Variants in SLC22A9 observed in about 807,000 individuals in gnomAD.
SLC22A9 encodes solute carrier family 22 member 9, also known as organic anion transporter 7.
SLC22A9 carries 64 observed loss-of-function variants against 50.1 expected under a neutral mutation model. The ratio of observed to expected loss-of-function variants is 1.28; its 90% CI spans 1.04 to 1.57. The LOEUF is 1.57. Ranked by LOEUF, SLC22A9 falls within the 40% of genes most tolerant of loss-of-function variation. The probability of loss-of-function intolerance (pLI) is 0.00; values close to 1 mark genes in which losing one functional copy is unlikely to be tolerated. For missense variants in SLC22A9, 757 were observed against 676.1 expected (o/e 1.12, Z -1.33); for synonymous variants, 261 against 242.5 (o/e 1.08, Z -0.71).
chr11:63,406,444 G>A, intron 6 of SLC22A9, 53 bp from the exon 7 acceptor site: 2 of 1,503,488 alleles, frequency 1.3e-6, no homozygotes, highest in Admixed American at 1.7e-5. Flanking sequence ...CTCATTTGTA[G>A]GATGTAGGCT....
Position 63,379,338 on chromosome 11 carries a change from C to T in SLC22A9, c.955-2821C>T, listed in dbSNP as rs112202857. On this transcript the variant is annotated intron_variant, in intron 5 of 9. Coordinates refer to ENST00000279178, the MANE Select transcript of SLC22A9 (RefSeq NM_080866.3). ...TATGCAGAAGATTGAAACTGAACCC[C>T]TTCCTTTCACCATATACAAAACTCA... Among the ~76,000 whole-genome samples, 375 of 152,242 alleles carry T rather than the reference C, an allele frequency of 2.5e-3. 1 individual carries two copies. Among genetic ancestry groups the T allele is most frequent in the Non-Finnish European group, 4.5e-3 (306 of 68,000 alleles).
chr11:63,382,250 A>G lies in SLC22A9; in HGVS notation c.1046A>G (p.Lys349Arg), dbSNP rs1428467810. ...ATGCTCCACATGCCCAACATATGTA[A>G]AAGGATCTCCCTCCTGTCCTTTACG... Reference protein sequence around the residue: ...CEMLHMPNICKRISLLSFTRF... With the variant: ...CEMLHMPNICRRISLLSFTRF... The change falls in exon 6 of 10, where the codon AAA becomes AGA. Residue 349 changes from lysine to arginine, a missense_variant. Physicochemically the swap from Lys to Arg is conservative, Grantham distance 26. Transcript: ENST00000279178. The G allele has an allele frequency of 1.2e-6, 2 of 1,610,502 alleles. No individual in the cohort carries two copies. The highest frequency in any genetic ancestry group is 1.7e-5 in the Admixed American group (1 of 59,432).
intron 6 of SLC22A9, among the ~76,000 whole-genome samples, chr11:63,396,100 G>A (rs1281827629): frequency 6.6e-6 from 1 of 152,118 alleles, no homozygotes; most frequent in African/African-American, 2.4e-5. Flanking sequence ...TGAGTGAGCA[G>A]GGCTTTAGAA....
At chr11:63,371,707 T>C (rs2014362758) in intron 2 of SLC22A9, among the ~76,000 whole-genome samples, 1 of 152,172 alleles carries the variant, frequency 6.6e-6, no homozygotes, top group Non-Finnish European at 1.5e-5. Flanking sequence ...TTTGAAGGTA[T>C]CATTGGTGGT....
At chr11:63,371,563 T>G (rs142293215) in intron 2 of SLC22A9, among the ~76,000 whole-genome samples, 35 of 152,290 alleles carry the variant, frequency 2.3e-4, no homozygotes, top group Middle Eastern at 3.4e-3. Context: ...CACATAGGAT[T>G]CAGCCTTGGC....
chr11:63,408,652 T>C (rs772025265), intron 8 of SLC22A9, 24 bp from the exon 9 acceptor site: 13 of 1,593,706 alleles, frequency 8.2e-6, no homozygotes, highest in Non-Finnish European at 1.0e-5. Context: ...ACAGATATTC[T>C]TGTATTGCTG....
At chr11:63,370,944 G>T (rs1318006550) in intron 1 of SLC22A9, among the ~76,000 whole-genome samples, 191 bp from the exon 2 acceptor site, 1 of 152,154 alleles carries the variant, frequency 6.6e-6, no homozygotes, top group Non-Finnish European at 1.5e-5. Context: ...ATAGGTTTAG[G>T]AAAGTCTTCC....
intron 6 of SLC22A9, among the ~76,000 whole-genome samples, chr11:63,396,773 G>A (rs2014865859): frequency 1.3e-5 from 2 of 151,906 alleles, no homozygotes; most frequent in African/African-American, 2.4e-5. Flanking sequence ...TTTTCTCTGT[G>A]TTATCTTTAA....
At position 63,369,963 on chromosome 11, in the gene SLC22A9, T is replaced by C. The variant is rs1209252585; in HGVS notation, c.-94T>C. 8.7e-6 allele frequency: 11 copies of C among 1,265,040 alleles called. No individual in the cohort carries two copies. Among genetic ancestry groups the C allele is most frequent in the Non-Finnish European group, 1.2e-5 (11 of 913,264 alleles). 78.4% of individuals were successfully genotyped at this position (1,265,040 alleles called of 1,614,324 possible). On this transcript the variant is annotated 5_prime_UTR_variant, in exon 1 of 10. Transcript: ENST00000279178. ...AGTGGGGTCAGGATCAAAACACATT[T>C]AGTGTGACTTAGGGAAAGAAAACAT...
intron 2 of SLC22A9, among the ~76,000 whole-genome samples, chr11:63,371,598 C>G (rs2014360887): frequency 6.6e-6 from 1 of 152,174 alleles, no homozygotes; most frequent in Admixed American, 6.5e-5. Context: ...CCAGTCCTAC[C>G]TGGACACTGT....
chr11:63,406,664 T>C lies in SLC22A9; in HGVS notation c.1241T>C (p.Met414Thr), dbSNP rs1180549652. ...CGTCGAGCAAGCCAGATGCTTCTCA[T>C]GTTCCTACTGGCAATCTGCCTTCTG... is the stretch of plus-strand genomic sequence containing the variant. ...MNRRASQMLLMFLLAICLLAI... is the reference protein window; with the variant it reads ...MNRRASQMLLTFLLAICLLAI... The change falls in exon 7 of 10, where the codon ATG becomes ACG. Residue 414 changes from methionine to threonine, a missense_variant. Transcript: ENST00000279178. 6 of 1,613,726 alleles carry C rather than the reference T, an allele frequency of 3.7e-6. No homozygotes were observed. In the East Asian group the frequency reaches 1.3e-4, roughly 36 times the overall value.
chr11:63,382,672 G>A (rs571978221), intron 6 of SLC22A9, among the ~76,000 whole-genome samples: 1 of 152,110 alleles, frequency 6.6e-6, no homozygotes, highest in South Asian at 2.1e-4. Flanking sequence ...TTAGATCAAG[G>A]TACATAAAAA....
chr11:63,396,139 G>C (rs900873523), intron 6 of SLC22A9, among the ~76,000 whole-genome samples: 1 of 152,140 alleles, frequency 6.6e-6, no homozygotes, highest in Non-Finnish European at 1.5e-5. Context: ...CCTCCCAGCT[G>C]CAAGAGAAAA....
intron 7 of SLC22A9, among the ~76,000 whole-genome samples, chr11:63,407,446 T>G (rs2015059391): frequency 6.6e-6 from 1 of 152,142 alleles, no homozygotes; most frequent in Non-Finnish European, 1.5e-5. Flanking sequence ...ATGCCAGCAA[T>G]GATCCAAGTG....
intron 6 of SLC22A9, among the ~76,000 whole-genome samples, chr11:63,383,095 C>G (rs543539042): frequency 6.6e-6 from 1 of 152,248 alleles, no homozygotes; most frequent in East Asian, 1.9e-4. Context: ...ATGTTTGGGT[C>G]ACTGAATAGA....
At chr11:63,370,566 A>C in intron 1 of SLC22A9, 108 bp downstream of exon 1, 2 of 1,283,134 alleles carry the variant, frequency 1.6e-6, no homozygotes, top group Non-Finnish European at 2.1e-6. Context: ...CTTAGTCTTC[A>C]TTCTTTCAGC....
chr11:63,403,813 A>C (rs116820044), intron 6 of SLC22A9, among the ~76,000 whole-genome samples: 2,767 of 151,406 alleles, frequency 0.018, 82 homozygotes, highest in African/African-American at 0.064. Flanking sequence ...TATCAAAAAT[A>C]AATAAATAAA....
rs776932599 is a variant in SLC22A9 at position 63,370,037 on chromosome 11, G to A, written c.-20G>A. 2 of 1,598,268 alleles carry A rather than the reference G, an allele frequency of 1.3e-6. No homozygotes were observed. The highest frequency in any genetic ancestry group is 1.1e-5 in the South Asian group (1 of 87,684). On this transcript the variant is annotated 5_prime_UTR_variant, in exon 1 of 10. Transcript: ENST00000279178. ...ATACAGTCATTTTGCCTCTACTTGAGGATCAACTGTTCAACCTCAATGGCC... is the reference window on the plus strand; with the variant it reads ...ATACAGTCATTTTGCCTCTACTTGAAGATCAACTGTTCAACCTCAATGGCC...
chr11:63,397,246 A>G (rs2014875249), intron 6 of SLC22A9, among the ~76,000 whole-genome samples: 1 of 152,170 alleles, frequency 6.6e-6, no homozygotes, highest in African/African-American at 2.4e-5. Flanking sequence ...TTTTGTCTCT[A>G]TACTGAGCTG....
Sources: allele counts gnomAD v4.1 joint callset (sites outside exome capture counted in the v4.1 genomes callset), GRCh38; gene constraint gnomAD v4.1.1; transcripts MANE v1.5; gene names NCBI Gene and HGNC (gene_info 2026-07-23, HGNC 2026-07-21).